The following STK33 variants were observed in gnomAD, a reference collection of about 807,000 sequenced individuals.
STK33 encodes the protein serine/threonine-protein kinase 33.
Under a neutral mutation model 58.0 loss-of-function variants are expected in STK33, and 52 were observed. The observed-to-expected ratio is 0.90, with a 90% confidence interval of 0.72 to 1.13. The LOEUF is 1.13. Ranked by LOEUF, STK33 falls within the 50% of genes most tolerant of loss-of-function variation. The pLI, the probability that STK33 is intolerant of heterozygous loss-of-function variation, is 0.00. For missense variants in STK33, 630 were observed against 604.2 expected (o/e 1.04, Z -0.45); for synonymous variants, 215 against 200.1 (o/e 1.07, Z -0.63).
At chr11:8,590,165 A>C (rs2141580102) in intron 1 of STK33, among the ~76,000 whole-genome samples, 1 of 152,314 alleles carries the variant, frequency 6.6e-6, no homozygotes, top group Middle Eastern at 3.4e-3. Context: ...AACCTTGGAG[A>C]CTGCATTAAC....
At chr11:8,426,568 G>A (rs1052134883) in intron 14 of STK33, among the ~76,000 whole-genome samples, 2 of 152,194 alleles carry the variant, frequency 1.3e-5, no homozygotes, top group Non-Finnish European at 1.5e-5. Flanking sequence ...GATTATAGGC[G>A]TGAGCCACCA....
intron 14 of STK33, chr11:8,433,917 C>CA (rs1591019794): frequency 1.3e-5 from 2 of 152,612 alleles, no homozygotes; most frequent in East Asian, 3.8e-4. Context: ...CCCCAATAGT[C>CA]AGAGTGATCT....
intron 7 of STK33, among the ~76,000 whole-genome samples, chr11:8,462,797 A>C (rs1183423660): frequency 6.6e-6 from 1 of 152,058 alleles, no homozygotes; most frequent in East Asian, 1.9e-4. Flanking sequence ...GAAATTCTAG[A>C]AGGGCTTTCT....
intron 15 of STK33, among the ~76,000 whole-genome samples, chr11:8,397,033 G>C (rs1164237170): frequency 6.6e-6 from 1 of 152,214 alleles, no homozygotes. Context: ...TCCACCTCTG[G>C]GGGCAGGGCA....
At chr11:8,378,222 G>A in the STK33 span, among the ~76,000 whole-genome samples, 1 of 152,208 alleles carries the variant, frequency 6.6e-6, no homozygotes, top group African/African-American at 2.4e-5. Context: ...GCGAAGTGGG[G>A]GGAAGCCCCT....
At chr11:8,388,082 T>C (rs554866474), downstream of STK33, among the ~76,000 whole-genome samples, 5 of 152,262 alleles carry the variant, frequency 3.3e-5, no homozygotes, top group African/African-American at 1.2e-4. Flanking sequence ...TCTAGTCCCA[T>C]TCTCTGGGCC....
chr11:8,497,901 TCA>T (rs1013609973), intron 1 of STK33, among the ~76,000 whole-genome samples: 3 of 151,862 alleles, frequency 2.0e-5, no homozygotes, highest in African/African-American at 4.8e-5. Context: ...CAAAGACATC[TCA>T]CACACACACA....
chr11:8,460,222 G>A (rs990959554), intron 8 of STK33, among the ~76,000 whole-genome samples: 11 of 152,082 alleles, frequency 7.2e-5, no homozygotes, highest in African/African-American at 2.7e-4. Context: ...AAAGCAGCAG[G>A]AAAATAGAAC....
intron 1 of STK33, among the ~76,000 whole-genome samples, chr11:8,501,747 A>G (rs544488129): frequency 6.6e-5 from 10 of 152,352 alleles, no homozygotes; most frequent in Middle Eastern, 3.4e-3. Flanking sequence ...TCACAGCAGC[A>G]TTATTCATAA....
chr11:8,360,248 T>G, the STK33 span, among the ~76,000 whole-genome samples: 1 of 152,338 alleles, frequency 6.6e-6, no homozygotes, highest in East Asian at 1.9e-4. Flanking sequence ...GTGACTCCAC[T>G]TCAGGATGCT....
chr11:8,562,531 C>T (rs1246185270), intron 1 of STK33, among the ~76,000 whole-genome samples: 1 of 152,130 alleles, frequency 6.6e-6, no homozygotes, highest in Non-Finnish European at 1.5e-5. Flanking sequence ...AATTTAGCAT[C>T]CCCTTTGATT....
intron 9 of STK33, among the ~76,000 whole-genome samples, chr11:8,456,762 A>G (rs968863444): frequency 6.6e-6 from 1 of 152,232 alleles, no homozygotes; most frequent in African/African-American, 2.4e-5. Context: ...ACTCTGTATG[A>G]TACTATAATG....
At chr11:8,539,064 T>C (rs1255156283) in intron 1 of STK33, among the ~76,000 whole-genome samples, 1 of 152,164 alleles carries the variant, frequency 6.6e-6, no homozygotes, top group African/African-American at 2.4e-5. Context: ...CCTTGATATG[T>C]AACCTATCCA....
At chr11:8,462,442 TACACAC>T (rs10635095) in intron 7 of STK33, among the ~76,000 whole-genome samples, 6 of 128,328 alleles carry the variant, frequency 4.7e-5, no homozygotes, top group African/African-American at 1.9e-4. Flanking sequence ...TATACATATA[TACACAC>T]ACACACACAC....
chr11:8,519,082 T>C (rs1953113201), intron 1 of STK33, among the ~76,000 whole-genome samples: 1 of 152,174 alleles, frequency 6.6e-6, no homozygotes, highest in African/African-American at 2.4e-5. Flanking sequence ...ATTGACCACA[T>C]AGTTGGAAGT....
chr11:8,451,277 T>C (rs889448854), intron 11 of STK33, among the ~76,000 whole-genome samples: 1 of 152,204 alleles, frequency 6.6e-6, no homozygotes. Flanking sequence ...CAAAGACCTG[T>C]ACATGAATAT....
chr11:8,396,633 C>T lies in STK33; in HGVS notation c.1345-3923G>A, dbSNP rs538723035. 5.9e-5 allele frequency among the ~76,000 whole-genome samples: 9 copies of T among 152,272 alleles called. No homozygotes were observed. In the East Asian group the frequency reaches 9.7e-4, roughly 16 times the overall value. ...GGGGAGTGTTGGACAGTGGGTGCAG[C>T]GCACCGAACGTGAGCCGAAGCAGGG... is the stretch of plus-strand genomic sequence containing the variant. On this transcript the variant is annotated intron_variant, in intron 15 of 15. Transcript: ENST00000687296.
the STK33 span, among the ~76,000 whole-genome samples, chr11:8,363,676 C>G: frequency 9.9e-5 from 15 of 152,208 alleles, no homozygotes; most frequent in African/African-American, 3.4e-4. Context: ...AACAACCGTG[C>G]GAATTGAAAT....
chr11:8,413,643 T>C lies in STK33; in HGVS notation c.1196A>G (p.Lys399Arg). The C allele has an allele frequency of 6.2e-7, 1 of 1,614,016 alleles. No individual in the cohort carries two copies. The highest frequency in any genetic ancestry group is 8.5e-7 in the Non-Finnish European group (1 of 1,179,950). Reference sequence around the variant, plus strand: ...ACTTTCTGGGTTATTTTTCCATTCCTTCATCATCTCTAATACATTGGTTGG... The same window carrying C: ...ACTTTCTGGGTTATTTTTCCATTCCCTCATCATCTCTAATACATTGGTTGG... Reference protein sequence around the residue: ...VRPTNVLEMMKEWKNNPESVE... With the variant: ...VRPTNVLEMMREWKNNPESVE... The change falls in exon 15 of 16, where the codon AAG becomes AGG. Residue 399 changes from lysine to arginine, a missense_variant. Lys to Arg is a conservative substitution (Grantham distance 26). Coordinates refer to ENST00000687296, the MANE Select transcript of STK33 (RefSeq NM_001352389.2).
Sources: allele counts gnomAD v4.1 joint callset (sites outside exome capture counted in the v4.1 genomes callset), GRCh38; gene constraint gnomAD v4.1.1; transcripts MANE v1.5; gene names NCBI Gene and HGNC (gene_info 2026-07-23, HGNC 2026-07-21).